Variants in SERPINB3 observed in about 807,000 individuals in gnomAD.
SERPINB3 encodes the protein serpin family B member 3.
In SERPINB3, 33 loss-of-function variants were observed where a neutral mutation model predicts 33.0. The observed-to-expected ratio is 1.00, with a 90% CI of 0.76 to 1.34. SERPINB3 has a LOEUF of 1.34. Among genes scored for constraint, SERPINB3 ranks in the 40% most tolerant of loss-of-function variants. The probability of loss-of-function intolerance (pLI) is 0.00; values close to 1 mark genes in which losing one functional copy is unlikely to be tolerated. For missense variants in SERPINB3, 518 were observed against 461.5 expected (o/e 1.12, Z -1.12); for synonymous variants, 200 against 170.9 (o/e 1.17, Z -1.33).
intron 7 of SERPINB3, 126 bp downstream of exon 7, chr18:63,656,705 A>G: frequency 1.7e-6 from 2 of 1,146,626 alleles, no homozygotes; most frequent in East Asian, 2.4e-5. Context: ...GTGAGTCATC[A>G]TTCCTCATTT....
chr18:63,660,897 A>G, intron 2 of SERPINB3, 41 bp from the exon 3 acceptor site: 1 of 1,613,060 alleles, frequency 6.2e-7, no homozygotes, highest in Non-Finnish European at 8.5e-7. Context: ...CTTTACTCAA[A>G]AGATCTGTTT....
In SERPINB3 at chr18:63,657,284, A is replaced by G; in HGVS notation, c.598T>C (p.Phe200Leu). ...ATAGACAATACCTTGTTTGGCCAAA[A>G]TTTTTCCTCTTTAGTATCTTCTTTA... ...FNKEDTKEEK[F>L]WPNKNTYKSI... is the part of the protein sequence containing the mutation. The change falls in exon 6 of 8, where the codon TTT (phenylalanine) becomes CTT (leucine). Residue 200 changes from phenylalanine to leucine, a missense_variant. Physicochemically the swap from Phe to Leu is conservative, Grantham distance 22. Coordinates refer to ENST00000283752, the MANE Select transcript of SERPINB3 (RefSeq NM_006919.3). 2 of 1,579,282 alleles carry G rather than the reference A, an allele frequency of 1.3e-6. No individual in the cohort carries two copies. The highest frequency in any genetic ancestry group is 2.3e-5 in the South Asian group (2 of 85,200).
At position 63,657,250 on chromosome 18, in the gene SERPINB3, A is replaced by G. The variant is rs753749803; in HGVS notation, c.612+20T>C. On this transcript the variant is annotated intron_variant, in intron 6 of 7. Coordinates refer to ENST00000283752, the MANE Select transcript of SERPINB3 (RefSeq NM_006919.3). ...AATTTATTAACATATTACATTATAT[A>G]AATAAAATATAGACAATACCTTGTT... The G allele has an allele frequency of 1.6e-6, 2 of 1,270,876 alleles. No individual in the cohort carries two copies. Among genetic ancestry groups the G allele is most frequent in the Non-Finnish European group, 2.2e-6 (2 of 903,814 alleles). 78.7% of individuals were successfully genotyped at this position (1,270,876 alleles called of 1,614,324 possible). A position where few individuals can be genotyped will look rare whatever the true frequency, so the allele number is the denominator to read the frequency against.
In SERPINB3 at chr18:63,655,741, G is replaced by C; in HGVS notation, c.1089C>G (p.Phe363Leu). ...GSSPTSTNEEFHCNHPFLFFI... is the reference protein window; with the variant it reads ...GSSPTSTNEELHCNHPFLFFI... Reference sequence around the variant, plus strand: ...AGAATAGGAAAGGGTGATTACAATGGAACTCTTCATTAGTTGAAGTAGGTG... The same window carrying C: ...AGAATAGGAAAGGGTGATTACAATGCAACTCTTCATTAGTTGAAGTAGGTG... The change falls in exon 8 of 8, where the codon TTC (phenylalanine) becomes TTG (leucine). Residue 363 changes from phenylalanine to leucine, a missense_variant. Coordinates refer to ENST00000283752, the MANE Select transcript of SERPINB3 (RefSeq NM_006919.3). 6.2e-7 allele frequency: 1 copy of C among 1,613,922 alleles called. No homozygotes were observed. Among genetic ancestry groups the C allele is most frequent in the Non-Finnish European group, 8.5e-7 (1 of 1,179,934 alleles).
Position 63,658,462 on chromosome 18 carries a change from T to C in SERPINB3, c.469+51A>G, listed in dbSNP as rs376330364. On this transcript the variant is annotated intron_variant, in intron 5 of 7. Transcript: ENST00000283752. ...CCCCATGCAGTTTCAGGCATAGGGC[T>C]CACTCGCATAGATTTCTCAAAGGTG... 271 of 1,496,070 alleles carry C rather than the reference T, an allele frequency of 1.8e-4. 1 individual carries two copies. Among genetic ancestry groups the C allele is most frequent in the Middle Eastern group, 4.6e-4 (2 of 4,310 alleles). The allele number at this position is 1,496,070 out of a possible 1,614,324, so 92.7% of individuals were successfully genotyped here.
intron 5 of SERPINB3, among the ~76,000 whole-genome samples, chr18:63,658,078 C>G (rs1913545450): frequency 6.6e-6 from 1 of 152,054 alleles, no homozygotes; most frequent in Admixed American, 6.6e-5. Flanking sequence ...CCAGGCAGCT[C>G]TAGTTCAGAT....
chr18:63,661,177 C>T lies in SERPINB3; in HGVS notation c.40G>A (p.Asp14Asn), dbSNP rs148776258. 37 of 1,613,288 alleles carry T rather than the reference C, an allele frequency of 2.3e-5. No homozygotes were observed. In the Middle Eastern group the frequency reaches 5.0e-4, roughly 22 times the overall value. The part of the protein sequence containing the change: ...LSEANTKFMF[D>N]LFQQFRKSKE... ...GATTTTCTGAACTGTTGGAACAGGT[C>T]GAACATGAACTTGGTGTTGGCTTCA... The change falls in exon 2 of 8, where the codon GAC (aspartate) becomes AAC (asparagine). Residue 14 changes from aspartate to asparagine, a missense_variant. Transcript: ENST00000283752.
Position 63,657,415 on chromosome 18 carries a change from G to A in SERPINB3, c.470-3C>T, listed in dbSNP as rs1225674320. On this transcript the variant is annotated splice_polypyrimidine_tract_variant and splice_region_variant and intron_variant, in intron 5 of 7. Coordinates refer to ENST00000283752, the MANE Select transcript of SERPINB3 (RefSeq NM_006919.3). ...AGGAATTAGGTTTTTAATTTTTTCT[G>A]CAAGGGAAAGAATAAAAGAGTCTTT... 1 of 1,589,098 alleles carries A rather than the reference G, an allele frequency of 6.3e-7. No homozygotes were observed. The highest frequency in any genetic ancestry group is 8.6e-7 in the Non-Finnish European group (1 of 1,168,328).
At chr18:63,657,839 A>C (rs1398114606) in intron 5 of SERPINB3, among the ~76,000 whole-genome samples, 4 of 149,136 alleles carry the variant, frequency 2.7e-5, no homozygotes, top group Non-Finnish European at 5.9e-5. Context: ...GCTTTTTAGG[A>C]CAAGTGACAT....
intron 1 of SERPINB3, among the ~76,000 whole-genome samples, 161 bp downstream of exon 1, chr18:63,661,684 TA>T (rs1222532978): frequency 5.3e-5 from 8 of 151,702 alleles, no homozygotes; most frequent in African/African-American, 1.9e-4. Flanking sequence ...GCAATTTAGA[TA>T]AAGGACAAAT....
Position 63,656,966 on chromosome 18 carries a change from C to T in SERPINB3, c.633G>A (p.Gln211=). ...WPNKNTYKSI[Q]MMRQYTSFHF... ...GAAAAGATGTGTATTGCCTCATCAT[C>T]TGTATGGACTTGTATGTATTCTACA... Residue 211 remains glutamine (Q), a synonymous_variant, in exon 7 of 8, where the codon CAG becomes CAA. Transcript: ENST00000283752. 6.2e-7 allele frequency: 1 copy of T among 1,611,262 alleles called. No individual in the cohort carries two copies. The highest frequency in any genetic ancestry group is 1.7e-5 in the Admixed American group (1 of 59,874).
chr18:63,657,458 G>C (rs1271300904), intron 5 of SERPINB3, 46 bp from the exon 6 acceptor site: 19 of 1,490,758 alleles, frequency 1.3e-5, no homozygotes, highest in Non-Finnish European at 1.5e-5. Flanking sequence ...GCTACAAATG[G>C]CTTGTCTGGA....
chr18:63,660,895 A>C, intron 2 of SERPINB3, 39 bp from the exon 3 acceptor site: 1 of 1,612,988 alleles, frequency 6.2e-7, no homozygotes, highest in Non-Finnish European at 8.5e-7. Flanking sequence ...AACTTTACTC[A>C]AAAGATCTGT....
At position 63,660,869 on chromosome 18, in the gene SERPINB3, T is replaced by C. The variant is rs374337948; in HGVS notation, c.166-13A>G. 1.4e-5 allele frequency: 23 copies of C among 1,613,292 alleles called. No individual in the cohort carries two copies. In the Admixed American group the frequency reaches 2.2e-4, roughly 15 times the overall value. ...CAAAGTGAAGAACCTGGAAGAGACA[T>C]GAAGCGGGACAAGAAAACTTTACTC... On this transcript the variant is annotated splice_polypyrimidine_tract_variant and intron_variant, in intron 2 of 7. Transcript: ENST00000283752.
In SERPINB3 at chr18:63,661,043, G is replaced by C. The variant is rs1282620780; in HGVS notation, c.165+9C>G. 1.2e-6 allele frequency: 2 copies of C among 1,613,450 alleles called. No homozygotes were observed. Among genetic ancestry groups the C allele is most frequent in the South Asian group, 2.2e-5 (2 of 91,034 alleles). Reference sequence around the variant, plus strand: ...TGCAACAGGACAACATAATGATGCTGATAGCTACCTTCTTAATCTGTTGTG... The same window carrying C: ...TGCAACAGGACAACATAATGATGCTCATAGCTACCTTCTTAATCTGTTGTG... On this transcript the variant is annotated intron_variant, in intron 2 of 7. Transcript: ENST00000283752.
chr18:63,655,739 T>C lies in SERPINB3; in HGVS notation c.1091A>G (p.His364Arg), dbSNP rs61733404. The C allele has an allele frequency of 1.0e-3, 1,677 of 1,613,928 alleles. 14 individuals are homozygous for C. In the African/African-American group the frequency reaches 0.019, roughly 19 times the overall value. Residue 364 changes from histidine (H) to arginine (R), a missense_variant, in exon 8 of 8, where the codon CAT (histidine) becomes CGT (arginine). By Grantham distance (29) the His-to-Arg change is conservative. Transcript: ENST00000283752. The part of the protein sequence containing the change: ...SSPTSTNEEF[H>R]CNHPFLFFIR... ...GAAGAATAGGAAAGGGTGATTACAA[T>C]GGAACTCTTCATTAGTTGAAGTAGG...
chr18:63,657,034 A>G, intron 6 of SERPINB3, 48 bp from the exon 7 acceptor site: 1 of 1,499,824 alleles, frequency 6.7e-7, no homozygotes, highest in Non-Finnish European at 9.1e-7. Context: ...GACACAAGGC[A>G]AAAAGATAAT....
chr18:63,658,554 C>T lies in SERPINB3; in HGVS notation c.428G>A (p.Ser143Asn), dbSNP rs762078891. 2 of 1,613,238 alleles carry T rather than the reference C, an allele frequency of 1.2e-6. No homozygotes were observed. Among genetic ancestry groups the T allele is most frequent in the South Asian group, 1.1e-5 (1 of 91,052 alleles). The change falls in exon 5 of 8, where the codon AGT (serine) becomes AAT (asparagine). Residue 143 changes from serine to asparagine, a missense_variant. Ser to Asn is a conservative substitution (Grantham distance 46, BLOSUM62 1). Transcript: ENST00000283752. ...CACCCAGGAGTTAATCTTCTTTCGACTTTCTTCTGGAGCATTTGCAAAATC... is the reference window on the plus strand; with the variant it reads ...CACCCAGGAGTTAATCTTCTTTCGATTTTCTTCTGGAGCATTTGCAAAATC... ...SVDFANAPEE[S>N]RKKINSWVES...
rs2144490741 is a variant in SERPINB3 at position 63,655,799 on chromosome 18, G to A, written c.1031C>T (p.Ala344Val). Residue 344 changes from alanine (A) to valine (V), a missense_variant, in exon 8 of 8, where the codon GCA becomes GTA. Physicochemically the swap from Ala to Val is moderately conservative, Grantham distance 64 (BLOSUM62 0). Coordinates refer to ENST00000283752, the MANE Select transcript of SERPINB3 (RefSeq NM_006919.3). ...VEVTEEGAEA[A>V]AATAVVGFGS... is the part of the protein sequence containing the mutation. ...GAATCCTACTACAGCGGTGGCAGCT[G>A]CAGCTTCTGCTCCCTCCTCTGTAAC... The A allele has an allele frequency of 6.2e-7, 1 of 1,613,994 alleles. No homozygotes were observed. Among genetic ancestry groups the A allele is most frequent in the Non-Finnish European group, 8.5e-7 (1 of 1,179,946 alleles).
Sources: gnomAD v4.1 joint callset for allele counts (sites outside exome capture counted in the v4.1 genomes callset) on GRCh38, gnomAD v4.1.1 for gene constraint, MANE v1.5 for transcripts, NCBI Gene and HGNC (gene_info 2026-07-23, HGNC 2026-07-21) for gene names.